The following LIPT1 variants were observed in gnomAD, a reference collection of about 807,000 sequenced individuals.
LIPT1 encodes lipoyl amidotransferase LIPT1, mitochondrial.
LIPT1 carries 22 observed loss-of-function variants against 25.1 expected under a neutral mutation model. That is an observed-to-expected ratio of 0.88 (90% CI 0.63 to 1.25). The LOEUF is 1.25. Among genes scored for constraint, LIPT1 ranks in the 50% most tolerant of loss-of-function variants. LIPT1 has a pLI of 0.00. For synonymous variants in LIPT1, 131 were observed against 150.8 expected (o/e 0.87, Z 0.96); for missense variants, 399 against 432.8 (o/e 0.92, Z 0.69).
At chr2:99,155,592 G>T (rs1469134972) in intron 1 of LIPT1, 1 of 453,752 alleles carries the variant, frequency 2.2e-6, no homozygotes. Flanking sequence ...GTCATTAAAG[G>T]GTGAGAGTAG....
At position 99,162,295 on chromosome 2, in the gene LIPT1, T is replaced by C; in HGVS notation, c.338T>C (p.Ile113Thr). ...ACAGTCTACCATGATATGGGTAATA[T>C]CAATTTGACTTTCTTTACAACCAAA... ...GGTVYHDMGN[I>T]NLTFFTTKKK... The change falls in exon 2 of 2, where the codon ATC becomes ACC. Residue 113 changes from isoleucine to threonine, a missense_variant. Ile to Thr is a moderately conservative substitution (Grantham distance 89, BLOSUM62 -1). Transcript: ENST00000651691. 4 of 1,612,940 alleles carry C rather than the reference T, an allele frequency of 2.5e-6. No individual in the cohort carries two copies. Among genetic ancestry groups the C allele is most frequent in the Non-Finnish European group, 2.5e-6 (3 of 1,179,816 alleles).
chr2:99,163,042 G>T lies in LIPT1; in HGVS notation c.1085G>T (p.Trp362Leu), dbSNP rs2093809645. 1 of 1,574,728 alleles carries T rather than the reference G, an allele frequency of 6.4e-7. No homozygotes were observed. Among genetic ancestry groups the T allele is most frequent in the South Asian group, 1.2e-5 (1 of 85,336 alleles). Residue 362 changes from tryptophan (W) to leucine (L), a missense_variant, in exon 2 of 2, where the codon TGG becomes TTG. By Grantham distance (61) the Trp-to-Leu change is moderately conservative. Transcript: ENST00000651691. The part of the protein sequence containing the change: ...CPQDHKLNSK[W>L]NILCEKIKGI... ...CAAGACCACAAACTAAACAGTAAAT[G>T]GAATATTCTCTGTGAAAAAATTAAG...
intron 1 of LIPT1, among the ~76,000 whole-genome samples, chr2:99,158,342 C>T (rs1469880291): frequency 1.4e-5 from 2 of 147,896 alleles, no homozygotes; most frequent in Non-Finnish European, 3.0e-5. Flanking sequence ...GCCTGTAATC[C>T]GAGTGCTTTA....
chr2:99,158,816 C>G (rs922129802), intron 1 of LIPT1, among the ~76,000 whole-genome samples: 1 of 152,226 alleles, frequency 6.6e-6, no homozygotes, highest in Non-Finnish European at 1.5e-5. Context: ...TACTTAACAC[C>G]TATCACAGCA....
chr2:99,161,366 T>C (rs2093791440), intron 1 of LIPT1: 1 of 126,508 alleles, frequency 7.9e-6, no homozygotes, highest in Non-Finnish European at 1.6e-5. Context: ...AATAATAGTA[T>C]GGGGAGGGAA....
At chr2:99,155,160 G>A (rs925775791) in intron 1 of LIPT1, 109 bp downstream of exon 1, 8 of 427,114 alleles carry the variant, frequency 1.9e-5, no homozygotes, top group Admixed American at 1.5e-4. Context: ...CAGGACTTGC[G>A]GGTCGCCTCC....
rs757567822 is a variant in LIPT1, at chr2:99,162,765, G to C, written c.808G>C (p.Glu270Gln). 3 of 1,614,122 alleles carry C rather than the reference G, an allele frequency of 1.9e-6. No individual in the cohort carries two copies. The highest frequency in any genetic ancestry group is 2.5e-6 in the Non-Finnish European group (3 of 1,179,980). The change falls in exon 2 of 2, where the codon GAG becomes CAG. Residue 270 changes from glutamate to glutamine, a missense_variant. Transcript: ENST00000651691. ...NSKAKELQTW[E>Q]WIYGKTPKFS... ...CAAAGCCAAAGAACTGCAAACTTGG[G>C]AGTGGATATATGGCAAAACTCCAAA...
At chr2:99,159,358 C>A (rs537507671) in intron 1 of LIPT1, among the ~76,000 whole-genome samples, 1 of 152,204 alleles carries the variant, frequency 6.6e-6, no homozygotes, top group Non-Finnish European at 1.5e-5. Flanking sequence ...CCACTGCGCC[C>A]GGCCAGTTCA....
intron 1 of LIPT1, chr2:99,155,685 C>A: frequency 2.6e-6 from 1 of 382,942 alleles, no homozygotes; most frequent in Admixed American, 3.3e-5. Flanking sequence ...GTGAAATATC[C>A]TGAAATACCG....
chr2:99,155,232 A>T, intron 1 of LIPT1, 181 bp downstream of exon 1: 1 of 368,600 alleles, frequency 2.7e-6, no homozygotes, highest in Non-Finnish European at 5.4e-6. Context: ...ACCTAATTTC[A>T]CTGTTAGGAA....
rs1289217991 is a variant in LIPT1 at position 99,162,543 on chromosome 2, C to T, written c.586C>T (p.Pro196Ser). The T allele has an allele frequency of 6.2e-7, 1 of 1,614,106 alleles. No homozygotes were observed. The highest frequency in any genetic ancestry group is 1.1e-5 in the South Asian group (1 of 91,078). ...GTTCTTGTCTTCTTTGCTAAAGAGC[C>T]CTTACCAAGGGATCAGGAGCAATGC... ...GTFLSSLLKS[P>S]YQGIRSNATA... Residue 196 changes from proline (P) to serine (S), a missense_variant, in exon 2 of 2, where the codon CCT becomes TCT. Pro to Ser is a moderately conservative substitution (Grantham distance 74). Transcript: ENST00000651691.
chr2:99,157,548 G>C (rs2093763487), intron 1 of LIPT1, among the ~76,000 whole-genome samples: 1 of 152,214 alleles, frequency 6.6e-6, no homozygotes, highest in Non-Finnish European at 1.5e-5. Context: ...TTCTTACCAA[G>C]ATCACTGATA....
rs767568897 is a variant in LIPT1, at chr2:99,162,169, C to T, written c.212C>T (p.Ser71Phe). The T allele has an allele frequency of 1.4e-5, 22 of 1,613,860 alleles. No individual in the cohort carries two copies. In the Admixed American group the frequency reaches 3.0e-4, roughly 22 times the overall value. The change falls in exon 2 of 2, where the codon TCT becomes TTT. Residue 71 changes from serine (S) to phenylalanine (F), a missense_variant. Transcript: ENST00000651691. ...PILFFWQNSP[S>F]VVIGRHQNPW... Reference sequence around the variant, plus strand: ...CTATTCTTTTGGCAGAATTCTCCCTCTGTTGTAATTGGTAGGCATCAAAAT... The same window carrying T: ...CTATTCTTTTGGCAGAATTCTCCCTTTGTTGTAATTGGTAGGCATCAAAAT...
At chr2:99,160,922 T>C (rs1159137056) in intron 1 of LIPT1, among the ~76,000 whole-genome samples, 1 of 152,022 alleles carries the variant, frequency 6.6e-6, no homozygotes, top group Non-Finnish European at 1.5e-5. Context: ...AGAGACTGAG[T>C]AAACTTGTTA....
In LIPT1 at chr2:99,162,496, T is replaced by C. The variant is rs1487643005; in HGVS notation, c.539T>C (p.Leu180Ser). The change falls in exon 2 of 2, where the codon TTA becomes TCA. Residue 180 changes from leucine (L) to serine (S), a missense_variant. Coordinates refer to ENST00000651691, the MANE Select transcript of LIPT1 (RefSeq NM_145199.3). ...ACTACTGCCTATCACCATTGCACTT[T>C]ATTATGTAGTACTGATGGGACGTTC... ...GRTTAYHHCT[L>S]LCSTDGTFLS... The C allele has an allele frequency of 3.1e-6, 5 of 1,614,046 alleles. No individual in the cohort carries two copies. In the Admixed American group the frequency reaches 8.3e-5, roughly 27 times the overall value.
chr2:99,155,344 G>A, intron 1 of LIPT1: 1 of 377,008 alleles, frequency 2.7e-6, no homozygotes. Context: ...AGTAAAACAT[G>A]CACACGACCG....
At chr2:99,160,249 A>C (rs2093777953) in intron 1 of LIPT1, among the ~76,000 whole-genome samples, 2 of 152,170 alleles carry the variant, frequency 1.3e-5, no homozygotes, top group African/African-American at 4.8e-5. Context: ...CTCTACAAAA[A>C]ATTTAAAAAT....
Position 99,162,679 on chromosome 2 carries a change from T to C in LIPT1, c.722T>C (p.Ile241Thr), listed in dbSNP as rs769680681. The C allele has an allele frequency of 9.3e-6, 15 of 1,614,144 alleles. No individual in the cohort carries two copies. The highest frequency in any genetic ancestry group is 1.2e-5 in the Non-Finnish European group (14 of 1,180,026). The part of the protein sequence containing the change: ...VATEYAAYHQ[I>T]DNHIHLINPT... ...ACAGAGTATGCTGCTTATCATCAAA[T>C]TGATAATCACATTCACCTAATAAAC... Residue 241 changes from isoleucine to threonine, a missense_variant, in exon 2 of 2, where the codon ATT becomes ACT. Ile to Thr is a moderately conservative substitution (Grantham distance 89). Coordinates refer to ENST00000651691, the MANE Select transcript of LIPT1 (RefSeq NM_145199.3).
rs1234245101 is a variant in LIPT1 at position 99,155,017 on chromosome 2, C to T, written c.-36C>T. ...TATGACGCACTTTTCCAGCTCGAGC[C>T]CTCACGAGGCCGTGGGTACGACCGG... On this transcript the variant is annotated 5_prime_UTR_variant, in exon 1 of 2. Transcript: ENST00000651691. 2 of 455,910 alleles carry T rather than the reference C, an allele frequency of 4.4e-6. No individual in the cohort carries two copies. The highest frequency in any genetic ancestry group is 4.0e-5 in the African/African-American group (2 of 50,092). 28.2% of individuals were successfully genotyped at this position (455,910 alleles called of 1,614,324 possible).
Sources: gnomAD v4.1 joint callset for allele counts (sites outside exome capture counted in the v4.1 genomes callset) on GRCh38, gnomAD v4.1.1 for gene constraint, MANE v1.5 for transcripts, NCBI Gene and HGNC (gene_info 2026-07-23, HGNC 2026-07-21) for gene names.